The following NECAB1 variants were observed in gnomAD, a reference collection of about 807,000 sequenced individuals.
The protein encoded by NECAB1 is N-terminal EF-hand calcium-binding protein 1.
In NECAB1, 29 loss-of-function variants were observed where a neutral mutation model predicts 57.5. The ratio of observed to expected loss-of-function variants is 0.50; its 90% CI spans 0.38 to 0.69. NECAB1 has a LOEUF of 0.69. NECAB1 is among the 30% of genes least tolerant of loss of function. NECAB1 has a pLI of 0.00. For synonymous variants in NECAB1, 142 were observed against 147.7 expected (o/e 0.96, Z 0.28); for missense variants, 372 against 413.8 (o/e 0.90, Z 0.88).
chr8:90,902,566 C>T (rs972783908), intron 5 of NECAB1, among the ~76,000 whole-genome samples: 1 of 152,008 alleles, frequency 6.6e-6, no homozygotes, highest in Non-Finnish European at 1.5e-5. Flanking sequence ...ATATAATGTA[C>T]CTGTACACAC....
intron 12 of NECAB1, among the ~76,000 whole-genome samples, chr8:90,954,972 TATGTGTGTAC>T (rs930890003): frequency 1.4e-5 from 2 of 141,488 alleles, no homozygotes; most frequent in Non-Finnish European, 3.1e-5. Context: ...ATGTATATAT[TATGTGTGTAC>T]ATATATGTAT....
rs1057274590 is a variant in NECAB1 at position 90,869,741 on chromosome 8, G to C, written c.234-2387G>C. Among the ~76,000 whole-genome samples, 18 of 152,290 alleles carry C rather than the reference G, an allele frequency of 1.2e-4. No homozygotes were observed. In the Middle Eastern group the frequency reaches 0.01, roughly 86 times the overall value. Reference sequence around the variant, plus strand: ...ATTTTACAGGCTCAGAGGTGGAAGGGACTTGCCTTGTCTCAGATGAGACTT... The same window carrying C: ...ATTTTACAGGCTCAGAGGTGGAAGGCACTTGCCTTGTCTCAGATGAGACTT... On this transcript the variant is annotated intron_variant, in intron 3 of 12. Transcript: ENST00000417640.
chr8:90,833,960 C>T lies in NECAB1; in HGVS notation c.233+9135C>T, dbSNP rs192058497. Reference sequence around the variant, plus strand: ...GGTGGATCACTTGAGATCAAGAGTTCGAGACCAGCCTGGCCAACATGGTGA... The same window carrying T: ...GGTGGATCACTTGAGATCAAGAGTTTGAGACCAGCCTGGCCAACATGGTGA... On this transcript the variant is annotated intron_variant, in intron 3 of 12. Transcript: ENST00000417640. Among the ~76,000 whole-genome samples, 51 of 151,944 alleles carry T rather than the reference C, an allele frequency of 3.4e-4. No homozygotes were observed. In the East Asian group the frequency reaches 6.0e-3, roughly 18 times the overall value.
At chr8:90,801,795 G>A in intron 2 of NECAB1, 80 bp downstream of exon 2, 2 of 954,210 alleles carry the variant, frequency 2.1e-6, no homozygotes, top group Non-Finnish European at 3.1e-6. Flanking sequence ...CAGGAAAAAG[G>A]GGACAGTCCG....
rs902588565 is a variant in NECAB1, at chr8:90,814,711, GA to G, written c.125-10005del. On this transcript the variant is annotated intron_variant, in intron 2 of 12. Coordinates refer to ENST00000417640, the MANE Select transcript of NECAB1 (RefSeq NM_022351.5). ...ACATACCCTCATAATTATGGGTGGG[GA>G]GTTTTTACATTCTGGTATTAACAGA... Among the ~76,000 whole-genome samples the G allele has an allele frequency of 4.6e-5, 7 of 152,118 alleles. No individual in the cohort carries two copies. The South Asian group carries it at 8.3e-4, about 18-fold the overall frequency.
At chr8:90,907,448 G>A (rs2130066332) in intron 5 of NECAB1, among the ~76,000 whole-genome samples, 1 of 152,280 alleles carries the variant, frequency 6.6e-6, no homozygotes, top group South Asian at 2.1e-4. Flanking sequence ...ATTTCTAAAT[G>A]TGGGATATAG....
intron 10 of NECAB1, among the ~76,000 whole-genome samples, chr8:90,948,085 T>C (rs1163770797): frequency 1.3e-5 from 2 of 152,200 alleles, no homozygotes; most frequent in Non-Finnish European, 2.9e-5. Flanking sequence ...AGAAAATTGA[T>C]ATGGATTGTA....
At chr8:90,937,806 C>G (rs1168807146) in intron 9 of NECAB1, among the ~76,000 whole-genome samples, 2 of 152,122 alleles carry the variant, frequency 1.3e-5, no homozygotes, top group Non-Finnish European at 2.9e-5. Flanking sequence ...GTCTACAAAC[C>G]TAGTTTTTTT....
intron 2 of NECAB1, among the ~76,000 whole-genome samples, chr8:90,820,438 CATT>C (rs1029656093): frequency 1.3e-5 from 2 of 151,750 alleles, no homozygotes; most frequent in Non-Finnish European, 2.9e-5. Flanking sequence ...CTAAGGATTC[CATT>C]ATTATTATTG....
At chr8:90,848,786 A>T (rs1812618285) in intron 3 of NECAB1, among the ~76,000 whole-genome samples, 2 of 152,194 alleles carry the variant, frequency 1.3e-5, no homozygotes, top group African/African-American at 4.8e-5. Flanking sequence ...GGAGTTTGAG[A>T]CTAGCTTGGC....
intron 10 of NECAB1, among the ~76,000 whole-genome samples, chr8:90,944,352 G>A (rs1381273751): frequency 6.6e-6 from 1 of 152,128 alleles, no homozygotes; most frequent in Non-Finnish European, 1.5e-5. Flanking sequence ...AGTATGGGGA[G>A]TTACAGAGGT....
At position 90,956,501 on chromosome 8, in the gene NECAB1, A is replaced by T. The variant is rs1811034786; in HGVS notation, c.*989A>T. On this transcript the variant is annotated 3_prime_UTR_variant, in exon 13 of 13. Coordinates refer to ENST00000417640, the MANE Select transcript of NECAB1 (RefSeq NM_022351.5). ...AACACTAGAATGACTAAAACTATCT[A>T]CCTATAGAACTATCTGTAGATAGTA... The T allele has an allele frequency of 1.3e-5, 2 of 151,872 alleles. No homozygotes were observed. Among genetic ancestry groups the T allele is most frequent in the South Asian group, 4.1e-4 (2 of 4,830 alleles). 9.4% of individuals were successfully genotyped at this position (151,872 alleles called of 1,614,324 possible). A position where few individuals can be genotyped will look rare whatever the true frequency, so the allele number is the denominator to read the frequency against.
chr8:90,794,455 T>G (rs1432783540), intron 1 of NECAB1, among the ~76,000 whole-genome samples: 2 of 152,152 alleles, frequency 1.3e-5, no homozygotes, highest in African/African-American at 2.4e-5. Flanking sequence ...AACAGACAAT[T>G]TCCAAATTTG....
chr8:90,862,898 G>A (rs1181555714), intron 3 of NECAB1, among the ~76,000 whole-genome samples: 1 of 150,486 alleles, frequency 6.6e-6, no homozygotes, highest in Non-Finnish European at 1.5e-5. Context: ...TAGATCCCAA[G>A]TGTTTTGTTC....
chr8:90,852,701 G>T (rs1164394517), intron 3 of NECAB1, among the ~76,000 whole-genome samples: 1 of 152,174 alleles, frequency 6.6e-6, no homozygotes, highest in Non-Finnish European at 1.5e-5. Context: ...CAGCTTGACA[G>T]TGTAACTTTG....
At chr8:90,819,954 T>C (rs1009413029) in intron 2 of NECAB1, among the ~76,000 whole-genome samples, 1 of 151,918 alleles carries the variant, frequency 6.6e-6, no homozygotes, top group South Asian at 2.1e-4. Flanking sequence ...TGTGAGAAAC[T>C]GGTGAAGTTT....
intron 8 of NECAB1, among the ~76,000 whole-genome samples, chr8:90,930,513 A>G (rs1810379914): frequency 6.6e-6 from 1 of 152,220 alleles, no homozygotes; most frequent in African/African-American, 2.4e-5. Context: ...AGTCAGGCCA[A>G]CAGGTTAAGG....
intron 5 of NECAB1, among the ~76,000 whole-genome samples, chr8:90,904,307 G>C (rs1175465287): frequency 5.3e-5 from 8 of 151,346 alleles, no homozygotes; most frequent in Non-Finnish European, 2.9e-5. Flanking sequence ...AGTATTAAAA[G>C]ACTTTATATA....
At chr8:90,838,153 A>G (rs1015662801) in intron 3 of NECAB1, among the ~76,000 whole-genome samples, 7 of 152,302 alleles carry the variant, frequency 4.6e-5, no homozygotes, top group African/African-American at 1.7e-4. Flanking sequence ...TTTGATTGAA[A>G]CTATTCACTA....
Sources: gnomAD v4.1 joint callset for allele counts (sites outside exome capture counted in the v4.1 genomes callset) on GRCh38, gnomAD v4.1.1 for gene constraint, MANE v1.5 for transcripts, NCBI Gene and HGNC (gene_info 2026-07-23, HGNC 2026-07-21) for gene names.